Variants in MYH13 observed in about 807,000 individuals in gnomAD.
MYH13 encodes myosin-13.
In MYH13, 177 loss-of-function variants were observed where a neutral mutation model predicts 232.1. That is an observed-to-expected ratio of 0.76 (90% CI 0.67 to 0.86). The LOEUF is 0.86. Ranked by LOEUF, MYH13 falls within the 40% of genes least tolerant of loss-of-function variation. The pLI is 0.00. For missense variants in MYH13, 2,246 were observed against 2,405.9 expected (o/e 0.93, Z 1.39); for synonymous variants, 884 against 923.5 (o/e 0.96, Z 0.78).
intron 2 of MYH13, among the ~76,000 whole-genome samples, chr17:10,366,381 G>GTTTTTTTTTTTTCT (rs2071837648): frequency 8.9e-6 from 1 of 112,640 alleles, no homozygotes; most frequent in Admixed American, 9.5e-5. Context: ...AAATAAATCT[G>GTTTTTTTTTTTTCT]TTTTTTTTTT....
chr17:10,343,740 C>T (rs1002426273), intron 16 of MYH13, 60 bp downstream of exon 16: 15 of 1,485,298 alleles, frequency 1.0e-5, no homozygotes, highest in African/African-American at 1.4e-5. Flanking sequence ...ACAAGCAGCT[C>T]TGGGTTAGGA....
intron 22 of MYH13, among the ~76,000 whole-genome samples, chr17:10,326,744 T>G (rs1352450828): frequency 6.6e-6 from 1 of 151,806 alleles, no homozygotes. Context: ...CCCACAGTGC[T>G]GGGATTACAG....
At chr17:10,303,788 G>T (rs1188577738) in intron 37 of MYH13, among the ~76,000 whole-genome samples, 1 of 152,104 alleles carries the variant, frequency 6.6e-6, no homozygotes, top group African/African-American at 2.4e-5. Context: ...ATTCCCAAAG[G>T]ATTATAAATC....
rs766853069 is a variant in MYH13 at position 10,364,353 on chromosome 17, C to T, written c.178G>A (p.Val60Ile). ...GMIQTRENDK[V>I]IVKTLDDRML... Reference sequence around the variant, plus strand: ...CGGTCATCGAGGGTCTTGACTATGACTTTGTCATTTTCCCTAGTCTGGATC... The same window carrying T: ...CGGTCATCGAGGGTCTTGACTATGATTTTGTCATTTTCCCTAGTCTGGATC... The change falls in exon 3 of 41, where the codon GTC (valine) becomes ATC (isoleucine). Residue 60 changes from valine (V) to isoleucine (I), a missense_variant. Coordinates refer to ENST00000252172, the MANE Select transcript of MYH13 (RefSeq NM_003802.3). 3.7e-5 allele frequency: 60 copies of T among 1,613,766 alleles called. No individual in the cohort carries two copies. The Admixed American group carries it at 5.2e-4, about 14-fold the overall frequency.
intron 3 of MYH13, among the ~76,000 whole-genome samples, chr17:10,362,763 A>T (rs1486070820): frequency 6.6e-6 from 1 of 152,158 alleles, no homozygotes; most frequent in Non-Finnish European, 1.5e-5. Flanking sequence ...AGTGGGTTAC[A>T]GGTGTGCAGA....
In MYH13 at chr17:10,300,925, C is replaced by G. The variant is rs1357310694; in HGVS notation, c.*26G>C. ...TTCCCTCCACTCTCTCGGAGGTGTC[C>G]CATGGCAACGAGCATCAGGTGAGCC... On this transcript the variant is annotated 3_prime_UTR_variant, in exon 41 of 41. Transcript: ENST00000252172. 1.2e-6 allele frequency: 2 copies of G among 1,611,382 alleles called. No individual in the cohort carries two copies.
intron 16 of MYH13, among the ~76,000 whole-genome samples, chr17:10,342,878 C>G (rs1243261936): frequency 6.6e-6 from 1 of 151,908 alleles, no homozygotes. Flanking sequence ...ATCACAAGGT[C>G]AGGAGATCGA....
At chr17:10,315,878 C>G in intron 28 of MYH13, 21 bp downstream of exon 28, 1 of 1,614,020 alleles carries the variant, frequency 6.2e-7, no homozygotes, top group Non-Finnish European at 8.5e-7. Flanking sequence ...CGGCTGGACC[C>G]AGAGCCCTGC....
chr17:10,344,024 T>G lies in MYH13; in HGVS notation c.1670A>C (p.Gln557Pro). ...DTSFKNKLYD[Q>P]HLGKSNNFQK... ...GAAGTTGTTGGATTTTCCAAGATGC[T>G]GGTCATACAGCTTGTTCTTGAAGGA... The change falls in exon 16 of 41, where the codon CAG (glutamine) becomes CCG (proline). Residue 557 changes from glutamine (Q) to proline (P), a missense_variant. Transcript: ENST00000252172. 6.2e-7 allele frequency: 1 copy of G among 1,614,262 alleles called. No individual in the cohort carries two copies. Among genetic ancestry groups the G allele is most frequent in the Non-Finnish European group, 8.5e-7 (1 of 1,180,050 alleles).
chr17:10,372,460 T>C (rs1009875330), intron 1 of MYH13, among the ~76,000 whole-genome samples: 2 of 152,220 alleles, frequency 1.3e-5, no homozygotes, highest in Non-Finnish European at 2.9e-5. Flanking sequence ...CCATAAAATA[T>C]GCCATGTGAG....
chr17:10,352,821 T>A (rs2071720506), intron 11 of MYH13, among the ~76,000 whole-genome samples: 1 of 152,142 alleles, frequency 6.6e-6, no homozygotes, highest in Admixed American at 6.5e-5. Context: ...ATATAACAAC[T>A]TAAATTAAAT....
chr17:10,301,630 G>T lies in MYH13; in HGVS notation c.5741C>A (p.Ala1914Glu). Residue 1914 changes from alanine (A) to glutamate (E), a missense_variant, in exon 40 of 41, where the codon GCG (alanine) becomes GAG (glutamate). By Grantham distance (107) the Ala-to-Glu change is moderately radical. Transcript: ENST00000252172. ...QHELEEAAER[A>E]DIAESQVNKL... ...GTTGACCTGGGACTCAGCGATGTCC[G>T]CCCTCTCCGCGGCCTCCTCTAGCTC... is the stretch of plus-strand genomic sequence containing the variant. The T allele has an allele frequency of 6.2e-7, 1 of 1,614,178 alleles. No individual in the cohort carries two copies. The highest frequency in any genetic ancestry group is 8.5e-7 in the Non-Finnish European group (1 of 1,180,038).
At chr17:10,352,185 C>CA (rs1389156079) in intron 11 of MYH13, among the ~76,000 whole-genome samples, 1 of 151,806 alleles carries the variant, frequency 6.6e-6, no homozygotes, top group Non-Finnish European at 1.5e-5. Context: ...ATGTCATCTC[C>CA]AAAGGGGTGC....
intron 8 of MYH13, among the ~76,000 whole-genome samples, 188 bp from the exon 9 acceptor site, chr17:10,355,335 G>C (rs754626979): frequency 1.3e-5 from 2 of 152,198 alleles, no homozygotes; most frequent in South Asian, 4.1e-4. Flanking sequence ...TGAGTAGGGA[G>C]GGGCCAATCT....
Position 10,354,779 on chromosome 17 carries a change from CAG to C in MYH13, c.904_905del (p.Leu302AlafsTer25). 6.2e-7 allele frequency: 1 copy of C among 1,613,890 alleles called. No individual in the cohort carries two copies. The highest frequency in any genetic ancestry group is 1.3e-5 in the African/African-American group (1 of 75,020). ...MSNKKPELIDLLLISTNPFDF... is the reference protein window; with the variant it reads ...MSNKKPELIDXLLISTNPFDF... ...CGAAGGGGTTGGTGGAGATCAGAAG[CAG>C]GTCTGTGAAACACAGATATCCCTTT... is the stretch of plus-strand genomic sequence containing the variant. On this transcript the variant is annotated frameshift_variant and splice_region_variant, in exon 11 of 41. Transcript: ENST00000252172. LOFTEE classifies it high-confidence loss of function.
chr17:10,311,010 C>T (rs1387875187), intron 33 of MYH13, 93 bp downstream of exon 33: 22 of 1,512,172 alleles, frequency 1.5e-5, no homozygotes, highest in Non-Finnish European at 2.0e-5. Flanking sequence ...CTCAGGGTCT[C>T]CTGGCAGGAA....
intron 12 of MYH13, among the ~76,000 whole-genome samples, 158 bp from the exon 13 acceptor site, chr17:10,346,956 A>G (rs529962128): frequency 1.6e-4 from 25 of 152,280 alleles, no homozygotes; most frequent in African/African-American, 5.3e-4. Flanking sequence ...TGAAGCTTTA[A>G]TCCCATATCC....
intron 27 of MYH13, among the ~76,000 whole-genome samples, chr17:10,317,272 T>C (rs1906749785): frequency 6.6e-6 from 1 of 151,846 alleles, no homozygotes; most frequent in Non-Finnish European, 1.5e-5. Context: ...AACCAAGTTC[T>C]TAGAGGAAGA....
At chr17:10,333,230 T>C (rs202162068) in intron 18 of MYH13, 39 bp from the exon 19 acceptor site, 1 of 1,400,424 alleles carries the variant, frequency 7.1e-7, no homozygotes. Flanking sequence ...CTGTGACCCC[T>C]TCATTTGTTG....
Sources: allele counts gnomAD v4.1 joint callset (sites outside exome capture counted in the v4.1 genomes callset), GRCh38; gene constraint gnomAD v4.1.1; transcripts MANE v1.5; gene names NCBI Gene and HGNC (gene_info 2026-07-23, HGNC 2026-07-21).